The following AP2A2 variants were observed in gnomAD, a reference collection of about 807,000 sequenced individuals.
The protein encoded by AP2A2 is adaptor related protein complex 2 subunit alpha 2.
A neutral mutation model predicts 104.2 loss-of-function variants in AP2A2; 32 were observed. The ratio of observed to expected loss-of-function variants is 0.31; its 90% CI spans 0.23 to 0.41. The LOEUF is 0.41. AP2A2 is among the 10% of genes least tolerant of loss of function. The probability of loss-of-function intolerance (pLI) is 1.00; values close to 1 mark genes in which losing one functional copy is unlikely to be tolerated. For missense variants in AP2A2, 912 were observed against 1,261.0 expected (o/e 0.72, Z 4.19); for synonymous variants, 539 against 533.3 (o/e 1.01, Z -0.15).
At chr11:984,096 C>T (rs1423141420) in intron 6 of AP2A2, among the ~76,000 whole-genome samples, 3 of 152,198 alleles carry the variant, frequency 2.0e-5, no homozygotes, top group Non-Finnish European at 4.4e-5. Context: ...GGCTGTATGT[C>T]AGTGGAAATG....
chr11:926,056 G>A lies in AP2A2; in HGVS notation c.35G>A (p.Gly12Asp), dbSNP rs1853108221. The change falls in exon 1 of 22, where the codon GGC becomes GAC. Residue 12 changes from glycine to aspartate, a missense_variant. Transcript: ENST00000448903. ...PAVSKGDGMR[G>D]LAVFISDIRN... Reference sequence around the variant, plus strand: ...GTGTCCAAGGGGGACGGGATGCGGGGCCTGGCGGTCTTCATCTCGGATATC... The same window carrying A: ...GTGTCCAAGGGGGACGGGATGCGGGACCTGGCGGTCTTCATCTCGGATATC... 7.2e-7 allele frequency: 1 copy of A among 1,380,870 alleles called. No individual in the cohort carries two copies. 85.5% of individuals were successfully genotyped at this position (1,380,870 alleles called of 1,614,324 possible).
chr11:947,160 G>A (rs933431149), intron 1 of AP2A2, among the ~76,000 whole-genome samples: 13 of 151,920 alleles, frequency 8.6e-5, no homozygotes, highest in Admixed American at 2.0e-4. Context: ...ACAGACTCCC[G>A]CCACCAGGCC....
intron 21 of AP2A2, chr11:1,010,092 A>C: frequency 2.0e-6 from 1 of 496,304 alleles, no homozygotes; most frequent in Non-Finnish European, 3.6e-6. Context: ...GCCTCCCCAC[A>C]GCTGGCCACC....
intron 21 of AP2A2, chr11:1,010,032 T>G: frequency 1.8e-6 from 1 of 570,230 alleles, no homozygotes; most frequent in Non-Finnish European, 3.1e-6. Context: ...TTGTGACAGA[T>G]GTTGTGTGCC....
chr11:953,258 G>A (rs1003780169), intron 1 of AP2A2, among the ~76,000 whole-genome samples: 2 of 151,690 alleles, frequency 1.3e-5, no homozygotes, highest in African/African-American at 4.8e-5. Flanking sequence ...TCTGCCTCTC[G>A]GGTTCAGGCA....
chr11:979,711 C>T (rs1020482761), intron 5 of AP2A2, among the ~76,000 whole-genome samples: 3 of 152,114 alleles, frequency 2.0e-5, no homozygotes, highest in South Asian at 2.1e-4. Context: ...ACAGGCGAGG[C>T]GAGTGCCACC....
chr11:1,008,344 G>A, intron 18 of AP2A2: 1 of 664,268 alleles, frequency 1.5e-6, no homozygotes, highest in African/African-American at 1.9e-5. Flanking sequence ...CTCCGGGACG[G>A]CAGGTGGCAG....
intron 2 of AP2A2, among the ~76,000 whole-genome samples, chr11:963,772 A>G (rs1854521372): frequency 6.6e-6 from 1 of 152,186 alleles, no homozygotes; most frequent in East Asian, 1.9e-4. Context: ...ACAGGCGCGC[A>G]CCACCACGCC....
intron 8 of AP2A2, among the ~76,000 whole-genome samples, chr11:986,374 G>C (rs1855456849): frequency 6.6e-6 from 1 of 152,260 alleles, no homozygotes; most frequent in Admixed American, 6.5e-5. Context: ...ATCCTGAGGA[G>C]ACAGTAGAGT....
intron 5 of AP2A2, among the ~76,000 whole-genome samples, chr11:978,092 C>T (rs1855111919): frequency 1.3e-5 from 2 of 152,164 alleles, no homozygotes; most frequent in African/African-American, 2.4e-5. Context: ...CAGGCCTGTA[C>T]CCAGAGTTGG....
chr11:985,597 TGTGGAGA>T lies in AP2A2; in HGVS notation c.962+17_962+23del. On this transcript the variant is annotated intron_variant, in intron 8 of 21. Coordinates refer to ENST00000448903, the MANE Select transcript of AP2A2 (RefSeq NM_012305.4). ...CACCATGACAGGTGTGTCGGCTGCC[TGTGGAGA>T]GGCTTCGTCTCGCGCACACACACAC... The T allele has an allele frequency of 6.2e-7, 1 of 1,613,842 alleles. No homozygotes were observed. Among genetic ancestry groups the T allele is most frequent in the Non-Finnish European group, 8.5e-7 (1 of 1,179,866 alleles).
chr11:955,328 C>T (rs1048188506), intron 1 of AP2A2, among the ~76,000 whole-genome samples: 3 of 152,212 alleles, frequency 2.0e-5, no homozygotes, highest in South Asian at 2.1e-4. Context: ...ACACTGTTTT[C>T]GTGACTCTTT....
At chr11:945,580 G>T (rs1382144799) in intron 1 of AP2A2, among the ~76,000 whole-genome samples, 1 of 152,132 alleles carries the variant, frequency 6.6e-6, no homozygotes, top group Non-Finnish European at 1.5e-5. Flanking sequence ...TGATCCGCCC[G>T]CCTCGGCCTC....
At position 985,429 on chromosome 11, in the gene AP2A2, C is replaced by T; in HGVS notation, c.815-6C>T. On this transcript the variant is annotated splice_region_variant and splice_polypyrimidine_tract_variant and intron_variant, in intron 7 of 21. Transcript: ENST00000448903. ...CTGGTGAGCACCGTTCTGTCTTGCC[C>T]AGAAGACCCTGCAGTGCGAGGCCGC... is the stretch of plus-strand genomic sequence containing the variant. 6.2e-7 allele frequency: 1 copy of T among 1,613,362 alleles called. No homozygotes were observed. Among genetic ancestry groups the T allele is most frequent in the Admixed American group, 1.7e-5 (1 of 59,958 alleles).
intron 1 of AP2A2, among the ~76,000 whole-genome samples, chr11:926,740 G>C (rs751473733): frequency 1.2e-4 from 19 of 152,182 alleles, no homozygotes; most frequent in Non-Finnish European, 2.1e-4. Flanking sequence ...ATCTGGACAC[G>C]AGCAGCAGTC....
At position 968,808 on chromosome 11, in the gene AP2A2, G is replaced by T. The variant is rs940054600; in HGVS notation, c.137-1361G>T. On this transcript the variant is annotated intron_variant, in intron 2 of 21. Transcript: ENST00000448903. This position sits in a 1 kb window ranked among gnomAD's most constrained non-coding sequence, Gnocchi z 4.2. The stretch of plus-strand genomic sequence containing the variant: ...CGGGGCCGGGGGAGGGAGGAACCAG[G>T]TCGGGTCTGCTTTTATTTATATCAT... 6.6e-6 allele frequency among the ~76,000 whole-genome samples: 1 copy of T among 152,128 alleles called. No homozygotes were observed. Among genetic ancestry groups the T allele is most frequent in the African/African-American group, 2.4e-5 (1 of 41,408 alleles).
chr11:989,314 CAA>C (rs1280532354), intron 10 of AP2A2, among the ~76,000 whole-genome samples: 1 of 151,388 alleles, frequency 6.6e-6, no homozygotes, highest in Non-Finnish European at 1.5e-5. Context: ...GCCTGAGCAA[CAA>C]GAGCGAAACT....
intron 1 of AP2A2, among the ~76,000 whole-genome samples, chr11:957,704 G>A (rs1478623886): frequency 6.6e-6 from 1 of 152,236 alleles, no homozygotes; most frequent in East Asian, 1.9e-4. Context: ...TTGTAGGAAA[G>A]CCCTCATGTT....
chr11:977,240 T>G lies in AP2A2; in HGVS notation c.603+16T>G. On this transcript the variant is annotated intron_variant, in intron 5 of 21. Transcript: ENST00000448903. The stretch of plus-strand genomic sequence containing the variant: ...CCAGCACTTGGTAAGCACCCTTGGC[T>G]TTGGTTCTCCCCGCTCCCCCAGGTG... 6.4e-7 allele frequency: 1 copy of G among 1,571,070 alleles called. No homozygotes were observed. The highest frequency in any genetic ancestry group is 1.4e-5 in the African/African-American group (1 of 73,826).
Sources: allele counts gnomAD v4.1 joint callset (sites outside exome capture counted in the v4.1 genomes callset), GRCh38; gene constraint gnomAD v4.1.1; non-coding constraint Gnocchi (gnomAD v3.1); transcripts MANE v1.5; gene names NCBI Gene and HGNC (gene_info 2026-07-23, HGNC 2026-07-21).